The following PIK3C2G variants were observed in gnomAD, a reference collection of about 807,000 sequenced individuals.
The protein encoded by PIK3C2G is phosphatidylinositol-4-phosphate 3-kinase catalytic subunit type 2 gamma.
A neutral mutation model predicts 181.1 loss-of-function variants in PIK3C2G; 168 were observed. The observed-to-expected ratio is 0.93, with a 90% CI of 0.82 to 1.05. The LOEUF is 1.05. Among genes scored for constraint, PIK3C2G ranks in the 50% least tolerant of loss-of-function variants. The pLI, the probability that PIK3C2G is intolerant of heterozygous loss-of-function variation, is 0.00. For missense variants in PIK3C2G, 1,869 were observed against 1,732.8 expected (o/e 1.08, Z -1.40); for synonymous variants, 573 against 592.2 (o/e 0.97, Z 0.47).
chr12:18,359,690 G>T (rs1427217360), intron 11 of PIK3C2G, among the ~76,000 whole-genome samples: 1 of 152,010 alleles, frequency 6.6e-6, no homozygotes, highest in Non-Finnish European at 1.5e-5. Flanking sequence ...TTACCTTTTT[G>T]TCATTATACA....
At chr12:18,618,129 T>G (rs985354001) in intron 31 of PIK3C2G, among the ~76,000 whole-genome samples, 2 of 152,126 alleles carry the variant, frequency 1.3e-5, no homozygotes, top group South Asian at 2.1e-4. Flanking sequence ...TTTTAACTTA[T>G]GTACCTGTAG....
intron 11 of PIK3C2G, chr12:18,358,626 A>G: frequency 2.1e-6 from 1 of 486,026 alleles, no homozygotes; most frequent in Non-Finnish European, 4.1e-6. Context: ...GTTAACCAAA[A>G]AAAATTCCTA....
chr12:18,712,825 C>A, the PIK3C2G span: 2 of 1,612,250 alleles, frequency 1.2e-6, no homozygotes, highest in South Asian at 1.1e-5. Context: ...TACAGTTGAA[C>A]AAAGATATGT....
chr12:18,505,257 T>C, intron 23 of PIK3C2G, 35 bp from the exon 24 acceptor site: 2 of 1,532,690 alleles, frequency 1.3e-6, no homozygotes, highest in Non-Finnish European at 1.8e-6. Context: ...CATTTTTTGT[T>C]GTTATTTTTG....
chr12:18,573,473 G>T (rs1224461221), intron 29 of PIK3C2G, among the ~76,000 whole-genome samples: 1 of 152,172 alleles, frequency 6.6e-6, no homozygotes, highest in Non-Finnish European at 1.5e-5. Context: ...CCTCTCAACT[G>T]CTCCCACTTG....
At chr12:18,382,792 T>C (rs528446036) in intron 14 of PIK3C2G, among the ~76,000 whole-genome samples, 44 of 152,340 alleles carry the variant, frequency 2.9e-4, no homozygotes, top group African/African-American at 1.0e-3. Context: ...ATCACTGCTC[T>C]AGAAGAAGTC....
intron 28 of PIK3C2G, among the ~76,000 whole-genome samples, 164 bp downstream of exon 28, chr12:18,563,662 A>G (rs1945464255): frequency 6.6e-6 from 1 of 152,190 alleles, no homozygotes; most frequent in Non-Finnish European, 1.5e-5. Flanking sequence ...CAGAGTGAAG[A>G]ATCTTTTGTC....
At chr12:18,657,569 A>G in the PIK3C2G span, among the ~76,000 whole-genome samples, 4 of 152,178 alleles carry the variant, frequency 2.6e-5, no homozygotes, top group Non-Finnish European at 4.4e-5. Context: ...AAATCTCTGT[A>G]AAATCATTAG....
the PIK3C2G span, among the ~76,000 whole-genome samples, chr12:18,720,806 G>C: frequency 6.6e-6 from 1 of 151,958 alleles, no homozygotes. Flanking sequence ...AGCAAGATAA[G>C]TGCAGGGGAA....
chr12:18,722,893 A>G, the PIK3C2G span, among the ~76,000 whole-genome samples: 13 of 152,122 alleles, frequency 8.5e-5, no homozygotes, highest in South Asian at 2.1e-3. Context: ...CATTTAGCAC[A>G]TTTAATTTTC....
intron 19 of PIK3C2G, among the ~76,000 whole-genome samples, chr12:18,490,630 T>C (rs1940472516): frequency 6.6e-6 from 1 of 152,176 alleles, no homozygotes; most frequent in Non-Finnish European, 1.5e-5. Flanking sequence ...GAACATGTGA[T>C]ATTTGTCTTC....
chr12:18,627,615 C>A (rs1949161148), intron 31 of PIK3C2G, among the ~76,000 whole-genome samples: 2 of 152,140 alleles, frequency 1.3e-5, no homozygotes, highest in African/African-American at 4.8e-5. Context: ...TGACATCACT[C>A]CTCAGCCATT....
chr12:18,282,780 T>C, intron 2 of PIK3C2G, 21 bp downstream of exon 2: 1 of 1,406,502 alleles, frequency 7.1e-7, no homozygotes, highest in Non-Finnish European at 9.7e-7. Context: ...TACATGTCAA[T>C]GTAAAAATAT....
chr12:18,362,628 C>A, intron 11 of PIK3C2G, 136 bp from the exon 12 acceptor site: 1 of 621,448 alleles, frequency 1.6e-6, no homozygotes, highest in Non-Finnish European at 2.5e-6. Context: ...ATTCTTAAAG[C>A]AATTTTTAAA....
chr12:18,614,756 T>A (rs991763610), intron 31 of PIK3C2G, among the ~76,000 whole-genome samples: 2 of 152,228 alleles, frequency 1.3e-5, no homozygotes, highest in Admixed American at 1.3e-4. Flanking sequence ...ACATTCAATC[T>A]TTCTCTGACC....
At chr12:18,514,304 T>A (rs1942393181) in intron 24 of PIK3C2G, among the ~76,000 whole-genome samples, 1 of 151,894 alleles carries the variant, frequency 6.6e-6, no homozygotes, top group Non-Finnish European at 1.5e-5. Context: ...GGTATCCTAC[T>A]GCTATTGGAT....
chr12:18,671,504 T>C, the PIK3C2G span, among the ~76,000 whole-genome samples: 16,098 of 152,120 alleles, frequency 0.11, 1,094 homozygotes, highest in African/African-American at 0.19. Context: ...ACTCCAGAGC[T>C]ACAGCATTCA....
At chr12:18,380,195 T>C (rs1404459554) in intron 13 of PIK3C2G, among the ~76,000 whole-genome samples, 4 of 152,154 alleles carry the variant, frequency 2.6e-5, no homozygotes, top group African/African-American at 9.7e-5. Context: ...ATGTCCGCCG[T>C]GCTTACTCAG....
chr12:18,372,577 G>A (rs949518984), intron 13 of PIK3C2G: 1 of 152,084 alleles, frequency 6.6e-6, no homozygotes, highest in Admixed American at 6.6e-5. Flanking sequence ...TCATGAGTGA[G>A]TTTCCTTAAA....
Sources: gnomAD v4.1 joint callset for allele counts (sites outside exome capture counted in the v4.1 genomes callset) on GRCh38, gnomAD v4.1.1 for gene constraint, MANE v1.5 for transcripts, NCBI Gene and HGNC (gene_info 2026-07-23, HGNC 2026-07-21) for gene names.